RNGTT: variants seen among roughly 807,000 people sequenced by gnomAD.
RNGTT encodes RNA guanylyltransferase and 5'-phosphatase.
A neutral mutation model predicts 79.3 loss-of-function variants in RNGTT; 33 were observed. The ratio of observed to expected loss-of-function variants is 0.42; its 90% CI spans 0.32 to 0.56. RNGTT has a LOEUF of 0.56. Ranked by LOEUF, RNGTT falls within the 20% of genes least tolerant of loss-of-function variation. The pLI is 0.17. For synonymous variants in RNGTT, 222 were observed against 235.9 expected, an observed-to-expected ratio of 0.94 and a Z score of 0.54; for missense variants, 497 against 739.1, an observed-to-expected ratio of 0.67 and a Z score of 3.80.
chr6:88,611,206 A>C lies in RNGTT; in HGVS notation c.*1513T>G, dbSNP rs1772010468. ...ACTGCAGGAGAAAACTTTGTTTAAAAACATTAAAACTCAGGTGAATATAAA... is the reference window on the plus strand; with the variant it reads ...ACTGCAGGAGAAAACTTTGTTTAAACACATTAAAACTCAGGTGAATATAAA... On this transcript the variant is annotated 3_prime_UTR_variant, in exon 16 of 16. Transcript: ENST00000369485. 6.6e-6 allele frequency: 1 copy of C among 152,624 alleles called. No individual in the cohort carries two copies. The highest frequency in any genetic ancestry group is 2.4e-5 in the African/African-American group (1 of 41,468). 9.5% of individuals were successfully genotyped at this position (152,624 alleles called of 1,614,324 possible). A position where few individuals can be genotyped will look rare whatever the true frequency, so the allele number is the denominator to read the frequency against.
At chr6:88,891,776 T>A (rs1251598852) in intron 7 of RNGTT, 30 bp downstream of exon 7, 1 of 1,410,378 alleles carries the variant, frequency 7.1e-7, no homozygotes, top group Non-Finnish European at 9.5e-7. Context: ...AAGAGCAAAT[T>A]TTATTTAAAA....
chr6:88,801,488 G>T lies in RNGTT; in HGVS notation c.1338+76C>A, dbSNP rs1026192751. The T allele has an allele frequency of 6.3e-6, 7 of 1,112,336 alleles. No individual in the cohort carries two copies. In the East Asian group the frequency reaches 1.7e-4, roughly 27 times the overall value. 68.9% of individuals were successfully genotyped at this position (1,112,336 alleles called of 1,614,324 possible). On this transcript the variant is annotated intron_variant, in intron 12 of 15. Coordinates refer to ENST00000369485, the MANE Select transcript of RNGTT (RefSeq NM_003800.5). ...AAGTTTGAGGCATACATGTGTATGT[G>T]TATGTATATGTATATCTGTGTACAC...
At chr6:88,825,207 T>C (rs1340364991) in intron 11 of RNGTT, among the ~76,000 whole-genome samples, 1 of 152,172 alleles carries the variant, frequency 6.6e-6, no homozygotes, top group Non-Finnish European at 1.5e-5. Flanking sequence ...GAATATAAAT[T>C]AATAATTGAC....
intron 11 of RNGTT, among the ~76,000 whole-genome samples, chr6:88,829,433 A>G (rs1168181005): frequency 6.6e-6 from 1 of 152,224 alleles, no homozygotes; most frequent in Non-Finnish European, 1.5e-5. Flanking sequence ...ACCAAATTGT[A>G]AAGACCATCG....
Position 88,777,485 on chromosome 6 carries a change from T to C in RNGTT, c.1339-7611A>G, listed in dbSNP as rs533801037. Among the ~76,000 whole-genome samples, 5 of 152,324 alleles carry C rather than the reference T, an allele frequency of 3.3e-5. No individual in the cohort carries two copies. The South Asian group carries it at 8.3e-4, about 25-fold the overall frequency. Reference sequence around the variant, plus strand: ...TCTTCCAATTCATTAACATGGAATATCTTTCTATTTATGTGTATCATCTTC... The same window carrying C: ...TCTTCCAATTCATTAACATGGAATACCTTTCTATTTATGTGTATCATCTTC... On this transcript the variant is annotated intron_variant, in intron 12 of 15. Coordinates refer to ENST00000369485, the MANE Select transcript of RNGTT (RefSeq NM_003800.5).
chr6:88,763,195 A>G (rs60660439), intron 13 of RNGTT, among the ~76,000 whole-genome samples: 3,725 of 148,624 alleles, frequency 0.025, 144 homozygotes, highest in African/African-American at 0.087. Context: ...TGCCCACCTC[A>G]GACATCTCAA....
intron 4 of RNGTT, among the ~76,000 whole-genome samples, chr6:88,909,252 T>C (rs960047533): frequency 6.6e-6 from 1 of 152,150 alleles, no homozygotes; most frequent in Admixed American, 6.5e-5. Context: ...TGGTTGCGCC[T>C]GCTCCTGAGA....
chr6:88,916,476 TTAAAA>T (rs955439049), intron 4 of RNGTT, among the ~76,000 whole-genome samples: 37 of 152,114 alleles, frequency 2.4e-4, no homozygotes, highest in African/African-American at 7.2e-4. Flanking sequence ...GTCTCAAAAA[TTAAAA>T]TAAATCATCA....
chr6:88,615,385 T>C (rs1426833634), intron 14 of RNGTT, among the ~76,000 whole-genome samples: 1 of 152,216 alleles, frequency 6.6e-6, no homozygotes, highest in Admixed American at 6.5e-5. Flanking sequence ...AGCACATGTC[T>C]TCATAAAAAC....
intron 8 of RNGTT, among the ~76,000 whole-genome samples, chr6:88,886,954 T>A (rs1486152569): frequency 1.3e-5 from 2 of 148,642 alleles, no homozygotes; most frequent in Non-Finnish European, 3.0e-5. Context: ...CTCACACTTA[T>A]AATCCCAGTA....
chr6:88,934,891 G>A (rs777584344), intron 2 of RNGTT, among the ~76,000 whole-genome samples: 1 of 152,108 alleles, frequency 6.6e-6, no homozygotes, highest in African/African-American at 2.4e-5. Context: ...TGGGATTACA[G>A]GTGTAAGCCA....
At chr6:88,622,113 C>A (rs1772462428) in intron 14 of RNGTT, among the ~76,000 whole-genome samples, 1 of 152,062 alleles carries the variant, frequency 6.6e-6, no homozygotes, top group Non-Finnish European at 1.5e-5. Context: ...TACAGTGTTG[C>A]CCGATTCTAG....
At chr6:88,814,398 T>C (rs1780247958) in intron 11 of RNGTT, among the ~76,000 whole-genome samples, 1 of 152,336 alleles carries the variant, frequency 6.6e-6, no homozygotes, top group Non-Finnish European at 1.5e-5. Flanking sequence ...TATCTAAAAA[T>C]ATTTGAATGC....
intron 13 of RNGTT, among the ~76,000 whole-genome samples, chr6:88,689,764 G>A (rs938001706): frequency 3.3e-5 from 5 of 151,274 alleles, no homozygotes; most frequent in African/African-American, 4.9e-5. Context: ...AGTAATAATT[G>A]TTGCAAGCAA....
intron 13 of RNGTT, among the ~76,000 whole-genome samples, chr6:88,741,955 A>C (rs903343151): frequency 1.3e-5 from 2 of 152,206 alleles, no homozygotes; most frequent in African/African-American, 4.8e-5. Context: ...TTTCATAAGG[A>C]TCTAGATCAT....
chr6:88,930,245 T>C (rs1784477855), intron 2 of RNGTT, among the ~76,000 whole-genome samples: 1 of 148,598 alleles, frequency 6.7e-6, no homozygotes, highest in Non-Finnish European at 1.5e-5. Context: ...TTATATATAT[T>C]TTATATATAT....
At chr6:88,786,483 T>C (rs932072496) in intron 12 of RNGTT, among the ~76,000 whole-genome samples, 2 of 152,120 alleles carry the variant, frequency 1.3e-5, no homozygotes, top group African/African-American at 4.8e-5. Flanking sequence ...AATTAGCAAT[T>C]CAAAATGGAA....
intron 13 of RNGTT, among the ~76,000 whole-genome samples, chr6:88,701,066 T>C (rs775455125): frequency 2.6e-5 from 4 of 151,774 alleles, no homozygotes; most frequent in East Asian, 1.9e-4. Flanking sequence ...AGAATGTATG[T>C]ATGAATGTTA....
At chr6:88,628,523 C>T (rs1300344217) in intron 14 of RNGTT, among the ~76,000 whole-genome samples, 2 of 151,998 alleles carry the variant, frequency 1.3e-5, no homozygotes, top group Non-Finnish European at 2.9e-5. Flanking sequence ...AACTTGTACT[C>T]AAAATTAATT....
Sources: gnomAD v4.1 joint callset for allele counts (sites outside exome capture counted in the v4.1 genomes callset) on GRCh38, gnomAD v4.1.1 for gene constraint, MANE v1.5 for transcripts, NCBI Gene and HGNC (gene_info 2026-07-23, HGNC 2026-07-21) for gene names.